Variants in CFAP20DC observed in about 807,000 individuals in gnomAD.
The protein encoded by CFAP20DC is CFAP20 domain containing, also known as protein CFAP20DC.
CFAP20DC carries 84 observed loss-of-function variants against 101.7 expected under a neutral mutation model. The ratio of observed to expected loss-of-function variants is 0.83; its 90% CI spans 0.69 to 0.99. CFAP20DC has a LOEUF of 0.99. Ranked by LOEUF, CFAP20DC falls within the 50% of genes least tolerant of loss-of-function variation. CFAP20DC has a pLI of 0.00. For missense variants in CFAP20DC, 1,007 were observed against 970.3 expected (o/e 1.04, Z -0.50); for synonymous variants, 359 against 351.2 (o/e 1.02, Z -0.25).
chr3:58,828,987 A>C (rs1431729537), intron 14 of CFAP20DC, among the ~76,000 whole-genome samples: 1 of 152,128 alleles, frequency 6.6e-6, no homozygotes, highest in Admixed American at 6.5e-5. Context: ...TGCCTTCCAA[A>C]TTCCTGGCTA....
rs1412207147 is a variant in CFAP20DC at position 59,002,341 on chromosome 3, C to CA, written c.278+37215dup. Among the ~76,000 whole-genome samples the CA allele has an allele frequency of 6.6e-6, 1 of 152,158 alleles. No individual in the cohort carries two copies. The highest frequency in any genetic ancestry group is 2.4e-5 in the African/African-American group (1 of 41,442). ...AAGGGACATATCTCCAATTTCTAAA[C>CA]AAAAATCATTTGGAAAAATTAATGC... On this transcript the variant is annotated intron_variant, in intron 4 of 16. Coordinates refer to ENST00000482387, the MANE Select transcript of CFAP20DC (RefSeq NM_001394063.1). This position sits in a 1 kb window ranked among gnomAD's most constrained non-coding sequence, Gnocchi z 4.5.
chr3:58,969,281 C>T (rs2091796502), intron 4 of CFAP20DC, among the ~76,000 whole-genome samples: 2 of 152,000 alleles, frequency 1.3e-5, no homozygotes, highest in Admixed American at 1.3e-4. Context: ...AAATCAAAAC[C>T]ATGAGATACC....
At chr3:58,926,720 A>G (rs1380063486) in intron 5 of CFAP20DC, among the ~76,000 whole-genome samples, 2 of 152,222 alleles carry the variant, frequency 1.3e-5, no homozygotes, top group Non-Finnish European at 2.9e-5. Context: ...AAGTTATAAA[A>G]TATTCCATCA....
chr3:58,737,388 T>C (rs1191176462), downstream of CFAP20DC, among the ~76,000 whole-genome samples: 1 of 150,800 alleles, frequency 6.6e-6, no homozygotes, highest in Non-Finnish European at 1.5e-5. This position sits in a 1 kb window ranked among gnomAD's most constrained non-coding sequence, Gnocchi z 4.1. Flanking sequence ...AAACTGAGGA[T>C]GGGGGACACA....
chr3:58,806,141 T>C (rs990241222), intron 15 of CFAP20DC, among the ~76,000 whole-genome samples: 1 of 152,226 alleles, frequency 6.6e-6, no homozygotes, highest in East Asian at 1.9e-4. Context: ...AAGTAATTCT[T>C]ATGCCTGAAT....
At chr3:58,916,047 C>T (rs1295647655) in intron 5 of CFAP20DC, among the ~76,000 whole-genome samples, 1 of 152,132 alleles carries the variant, frequency 6.6e-6, no homozygotes, top group Non-Finnish European at 1.5e-5. Context: ...CATGTAAATA[C>T]TGTATACATC....
chr3:59,019,209 A>T (rs2093752986), intron 4 of CFAP20DC: 2 of 152,086 alleles, frequency 1.3e-5, no homozygotes, highest in Non-Finnish European at 2.9e-5. Context: ...CAAATAATCA[A>T]GTTTTAACTT....
downstream of CFAP20DC, among the ~76,000 whole-genome samples, chr3:58,740,598 T>C (rs1489584249): frequency 6.6e-6 from 1 of 152,190 alleles, no homozygotes; most frequent in Admixed American, 6.5e-5. The surrounding 1 kb of genome is among the most constrained non-coding windows in gnomAD (Gnocchi z 4.6). Context: ...ACTACAGTCC[T>C]CTAGGTCCCA....
intron 15 of CFAP20DC, among the ~76,000 whole-genome samples, chr3:58,781,936 C>T (rs2071868022): frequency 6.6e-6 from 1 of 152,006 alleles, no homozygotes; most frequent in Non-Finnish European, 1.5e-5. Flanking sequence ...ATGAGACCAG[C>T]ATCACCATAC....
At position 59,007,637 on chromosome 3, in the gene CFAP20DC, G is replaced by A. The variant is rs986591752; in HGVS notation, c.278+31920C>T. On this transcript the variant is annotated intron_variant, in intron 4 of 16. Transcript: ENST00000482387. The surrounding 1 kb of genome is among the most constrained non-coding windows in gnomAD (Gnocchi z 4.4). ...CATCACTGCCGTGCTACCTCCACCA[G>A]AGCAGGTGCTGGTATCATGGCTGGG... Among the ~76,000 whole-genome samples, 1 of 152,204 alleles carries A rather than the reference G, an allele frequency of 6.6e-6. No individual in the cohort carries two copies. The highest frequency in any genetic ancestry group is 2.4e-5 in the African/African-American group (1 of 41,458).
At chr3:59,013,808 C>A (rs1433739634) in intron 4 of CFAP20DC, among the ~76,000 whole-genome samples, 3 of 152,090 alleles carry the variant, frequency 2.0e-5, no homozygotes, top group Non-Finnish European at 4.4e-5. Flanking sequence ...TGACAGATGG[C>A]TACATGCACA....
chr3:58,941,327 C>CAAAAAAAAAAAAAA (rs752324535), intron 4 of CFAP20DC, among the ~76,000 whole-genome samples: 17 of 19,530 alleles, frequency 8.7e-4, no homozygotes, highest in African/African-American at 3.1e-3. Flanking sequence ...GACTCCGTCT[C>CAAAAAAAAAAAAAA]AAAAAAAAAA....
At chr3:58,802,753 T>A (rs1310065970) in intron 15 of CFAP20DC, among the ~76,000 whole-genome samples, 1 of 152,202 alleles carries the variant, frequency 6.6e-6, no homozygotes, top group African/African-American at 2.4e-5. Context: ...AAAAACAATA[T>A]ATGAATATAT....
In CFAP20DC at chr3:58,842,422, G is replaced by A. The variant is rs555631444; in HGVS notation, c.1971+6610C>T. Among the ~76,000 whole-genome samples, 15 of 152,196 alleles carry A rather than the reference G, an allele frequency of 9.9e-5. No individual in the cohort carries two copies. In the East Asian group the frequency reaches 2.5e-3, roughly 26 times the overall value. On this transcript the variant is annotated intron_variant, in intron 13 of 16. Coordinates refer to ENST00000482387, the MANE Select transcript of CFAP20DC (RefSeq NM_001394063.1). The stretch of plus-strand genomic sequence containing the variant: ...GGGTGACAGACGCACCTGGAAAATC[G>A]GGTCACTCCCACCCGAATATTGCGC...
In CFAP20DC at chr3:58,821,038, TG is replaced by T. The variant is rs1259978888; in HGVS notation, c.2175+10647del. On this transcript the variant is annotated intron_variant, in intron 14 of 16. Transcript: ENST00000482387. ...TGACAAACCTGAGAAAAACAAGCAA[TG>T]GGGAAAGGATTCCCTATTTAATAAA... Among the ~76,000 whole-genome samples, 5 of 151,814 alleles carry T rather than the reference TG, an allele frequency of 3.3e-5. No homozygotes were observed. The East Asian group carries it at 9.7e-4, about 29-fold the overall frequency.
At chr3:58,756,876 C>G (rs1464541727) in intron 15 of CFAP20DC, among the ~76,000 whole-genome samples, 2 of 151,940 alleles carry the variant, frequency 1.3e-5, no homozygotes, top group Non-Finnish European at 2.9e-5. Context: ...CATTCCATAC[C>G]AGTTCATGGA....
intron 12 of CFAP20DC, chr3:58,862,874 G>C: frequency 1.0e-6 from 1 of 983,632 alleles, no homozygotes; most frequent in South Asian, 4.7e-5. Context: ...ACTTCCTATG[G>C]GGAAAAAGTT....
chr3:58,877,903 A>T (rs1345973754), intron 7 of CFAP20DC, among the ~76,000 whole-genome samples: 1 of 152,172 alleles, frequency 6.6e-6, no homozygotes, highest in African/African-American at 2.4e-5. Context: ...ACATAATACC[A>T]TAATATCCAT....
In CFAP20DC at chr3:59,006,424, A is replaced by G. The variant is rs1416148322; in HGVS notation, c.278+33133T>C. ...TACCAGGAAAACTGGAAGAATTCACAGATCCTTTGAAAGAAGCAGCATGCT... is the reference window on the plus strand; with the variant it reads ...TACCAGGAAAACTGGAAGAATTCACGGATCCTTTGAAAGAAGCAGCATGCT... On this transcript the variant is annotated intron_variant, in intron 4 of 16. Transcript: ENST00000482387. This position sits in a 1 kb window ranked among gnomAD's most constrained non-coding sequence, Gnocchi z 4.3. 6.6e-6 allele frequency among the ~76,000 whole-genome samples: 1 copy of G among 152,240 alleles called. No homozygotes were observed. The highest frequency in any genetic ancestry group is 2.4e-5 in the African/African-American group (1 of 41,470).
Sources: gnomAD v4.1 joint callset for allele counts (sites outside exome capture counted in the v4.1 genomes callset) on GRCh38, gnomAD v4.1.1 for gene constraint, Gnocchi (gnomAD v3.1) non-coding constraint, MANE v1.5 for transcripts, NCBI Gene and HGNC (gene_info 2026-07-23, HGNC 2026-07-21) for gene names.